HSPBAP1: variants seen among roughly 807,000 people sequenced by gnomAD.
The protein encoded by HSPBAP1 is HSPB1 associated protein 1, also known as HSPB1-associated protein 1.
Under a neutral mutation model 45.2 loss-of-function variants are expected in HSPBAP1, and 27 were observed. The observed-to-expected ratio is 0.60, with a 90% CI of 0.44 to 0.82. HSPBAP1 has a LOEUF of 0.82. Ranked by LOEUF, HSPBAP1 falls within the 40% of genes least tolerant of loss-of-function variation. The pLI is 0.00. For synonymous variants in HSPBAP1, 204 were observed against 202.7 expected (o/e 1.01, Z -0.06); for missense variants, 510 against 590.9 (o/e 0.86, Z 1.42).
chr3:122,781,657 T>C (rs1328503234), intron 1 of HSPBAP1, among the ~76,000 whole-genome samples: 1 of 152,234 alleles, frequency 6.6e-6, no homozygotes. Context: ...CAGTGTTTAC[T>C]GTTCCCATCT....
intron 6 of HSPBAP1, among the ~76,000 whole-genome samples, chr3:122,746,012 T>C (rs1186192187): frequency 6.6e-6 from 1 of 152,340 alleles, no homozygotes; most frequent in East Asian, 1.9e-4. Context: ...CAGAAAAGTG[T>C]TGACTGATTA....
chr3:122,744,221 T>C (rs1933769616), intron 6 of HSPBAP1, among the ~76,000 whole-genome samples: 1 of 152,086 alleles, frequency 6.6e-6, no homozygotes, highest in Non-Finnish European at 1.5e-5. Context: ...GATAAATACA[T>C]TTCAATACTC....
intron 1 of HSPBAP1, among the ~76,000 whole-genome samples, chr3:122,783,890 G>C (rs890599178): frequency 2.6e-5 from 4 of 152,076 alleles, no homozygotes; most frequent in African/African-American, 9.6e-5. Context: ...GAGTGCAGTG[G>C]CGGGATCTCG....
chr3:122,785,528 T>C (rs1412529798), intron 1 of HSPBAP1, among the ~76,000 whole-genome samples: 2 of 152,138 alleles, frequency 1.3e-5, no homozygotes, highest in Non-Finnish European at 2.9e-5. Flanking sequence ...CCCCTGATGT[T>C]TCCTCTTAGT....
At chr3:122,769,746 C>A (rs368136043) in intron 2 of HSPBAP1, among the ~76,000 whole-genome samples, 145 of 152,334 alleles carry the variant, frequency 9.5e-4, no homozygotes, top group African/African-American at 3.3e-3. Flanking sequence ...GTGGTGCAAT[C>A]TCGGCTCACT....
At chr3:122,788,785 A>T (rs1236321806) in intron 1 of HSPBAP1, among the ~76,000 whole-genome samples, 1 of 152,184 alleles carries the variant, frequency 6.6e-6, no homozygotes, top group Non-Finnish European at 1.5e-5. Flanking sequence ...GTTACCAGGG[A>T]CTGGGGGAAG....
At chr3:122,762,725 G>A (rs1207333805) in intron 3 of HSPBAP1, among the ~76,000 whole-genome samples, 1 of 152,182 alleles carries the variant, frequency 6.6e-6, no homozygotes. Flanking sequence ...CTGTTGTGGT[G>A]AGAGAACATA....
In HSPBAP1 at chr3:122,740,371, G is replaced by C. The variant is rs753886611; in HGVS notation, c.1441C>G (p.Leu481Val). 8.1e-6 allele frequency: 13 copies of C among 1,606,544 alleles called. No homozygotes were observed. The highest frequency in any genetic ancestry group is 1.1e-5 in the South Asian group (1 of 90,716). Residue 481 changes from leucine (L) to valine (V), a missense_variant, in exon 8 of 8, where the codon CTT becomes GTT. By Grantham distance (32) the Leu-to-Val change is conservative. Transcript: ENST00000306103. Reference sequence around the variant, plus strand: ...CATAAACTTCTTCCTTGTATCAAAAGTTGTGCCACTATCCTGGTTACTTGT... The same window carrying C: ...CATAAACTTCTTCCTTGTATCAAAACTTGTGCCACTATCCTGGTTACTTGT... ...NPQVTRIVAQ[L>V]LIQGRSL
At chr3:122,742,820 A>G (rs979435487) in intron 6 of HSPBAP1, among the ~76,000 whole-genome samples, 6 of 152,338 alleles carry the variant, frequency 3.9e-5, no homozygotes, top group Admixed American at 1.3e-4. Context: ...CAAATTTCAG[A>G]CATGCCAGCC....
chr3:122,753,393 T>TAAGAAC lies in HSPBAP1; in HGVS notation c.742-720_742-719insGTTCTT, dbSNP rs3053574. 6.2e-6 allele frequency: 6 copies of TAAGAAC among 965,906 alleles called. No individual in the cohort carries two copies. The African/African-American group carries it at 1.1e-4, about 17-fold the overall frequency. 59.8% of individuals were successfully genotyped at this position (965,906 alleles called of 1,614,324 possible). On this transcript the variant is annotated intron_variant, in intron 5 of 7. Transcript: ENST00000306103. ...AGTTTAGGGACAGCGGACTTCAGAATCTAGATTTTATCTGGTAGGCACTAG... is the reference window on the plus strand; with the variant it reads ...AGTTTAGGGACAGCGGACTTCAGAATAAGAACCTAGATTTTATCTGGTAGGCACTAG...
chr3:122,775,533 C>T (rs2107528996), intron 2 of HSPBAP1, among the ~76,000 whole-genome samples: 1 of 152,042 alleles, frequency 6.6e-6, no homozygotes, highest in African/African-American at 2.4e-5. Flanking sequence ...CCAGGCTGGT[C>T]TCAAACTCCT....
Position 122,741,047 on chromosome 3 carries a change from C to T in HSPBAP1, c.892G>A (p.Ala298Thr). 1.9e-6 allele frequency: 3 copies of T among 1,614,178 alleles called. No homozygotes were observed. Among genetic ancestry groups the T allele is most frequent in the Non-Finnish European group, 1.7e-6 (2 of 1,180,014 alleles). Reference protein sequence around the residue: ...TRMLVCALKTAENPQNTRAWL... With the variant: ...TRMLVCALKTTENPQNTRAWL... ...GCTCTGGTATTTTGTGGATTCTCTG[C>T]AGTTTTCAGGGCACACACAAGCATA... is the stretch of plus-strand genomic sequence containing the variant. Residue 298 changes from alanine (A) to threonine (T), a missense_variant, in exon 7 of 8, where the codon GCA becomes ACA. Coordinates refer to ENST00000306103, the MANE Select transcript of HSPBAP1 (RefSeq NM_024610.6).
At chr3:122,766,426 T>A (rs1292338086) in intron 3 of HSPBAP1, among the ~76,000 whole-genome samples, 2 of 152,214 alleles carry the variant, frequency 1.3e-5, no homozygotes, top group Non-Finnish European at 2.9e-5. Context: ...ATGGACTTGG[T>A]TATTCATAGC....
At chr3:122,783,342 A>G (rs1935552411) in intron 1 of HSPBAP1, among the ~76,000 whole-genome samples, 1 of 152,186 alleles carries the variant, frequency 6.6e-6, no homozygotes, top group South Asian at 2.1e-4. Context: ...AAGATTACCT[A>G]TATTGCAGTG....
Position 122,790,418 on chromosome 3 carries a change from A to C in HSPBAP1, c.64+3199T>G, listed in dbSNP as rs551429098. Among the ~76,000 whole-genome samples, 3 of 152,314 alleles carry C rather than the reference A, an allele frequency of 2.0e-5. No homozygotes were observed. The South Asian group carries it at 6.2e-4, about 32-fold the overall frequency. ...TCTTCAAGAAATTATCCTAGGAAGCACAAACCAACCCAATTTCTATTAGTT... is the reference window on the plus strand; with the variant it reads ...TCTTCAAGAAATTATCCTAGGAAGCCCAAACCAACCCAATTTCTATTAGTT... On this transcript the variant is annotated intron_variant, in intron 1 of 7. Coordinates refer to ENST00000306103, the MANE Select transcript of HSPBAP1 (RefSeq NM_024610.6).
intron 5 of HSPBAP1, 32 bp from the exon 6 acceptor site, chr3:122,752,706 G>A (rs774764161): frequency 1.9e-6 from 3 of 1,540,822 alleles, no homozygotes; most frequent in Non-Finnish European, 8.8e-7. Flanking sequence ...GTTAGCACAA[G>A]AACAGGACGT....
At chr3:122,780,382 C>A (rs1323024120) in intron 1 of HSPBAP1, among the ~76,000 whole-genome samples, 1 of 122,192 alleles carries the variant, frequency 8.2e-6, no homozygotes, top group Admixed American at 8.2e-5. Context: ...GGGCGGGGGG[C>A]TGACCCCCCA....
Position 122,740,637 on chromosome 3 carries a change from A to C in HSPBAP1, c.1175T>G (p.Leu392Arg), listed in dbSNP as rs1240227536. The stretch of plus-strand genomic sequence containing the variant: ...TTCGGACCTCTGTGCTACAGGGACC[A>C]GATCAGGGCCAAAGGGACTTGCTGC... ...PEAASPFGPD[L>R]VPVAQRSEEP... The change falls in exon 8 of 8, where the codon CTG becomes CGG. Residue 392 changes from leucine (L) to arginine (R), a missense_variant. Transcript: ENST00000306103. 2.5e-6 allele frequency: 4 copies of C among 1,614,160 alleles called. No individual in the cohort carries two copies. Among genetic ancestry groups the C allele is most frequent in the Admixed American group, 1.7e-5 (1 of 60,028 alleles).
chr3:122,781,565 G>C (rs950205016), intron 1 of HSPBAP1, among the ~76,000 whole-genome samples: 4 of 152,172 alleles, frequency 2.6e-5, no homozygotes, highest in Admixed American at 6.5e-5. Flanking sequence ...ACCGTGGGGA[G>C]ACGGAGAGAG....
Sources: allele counts gnomAD v4.1 joint callset (sites outside exome capture counted in the v4.1 genomes callset), GRCh38; gene constraint gnomAD v4.1.1; transcripts MANE v1.5; gene names NCBI Gene and HGNC (gene_info 2026-07-23, HGNC 2026-07-21).